The following SYNE2 variants were observed in gnomAD, a reference collection of about 807,000 sequenced individuals.
SYNE2 encodes spectrin repeat containing nuclear envelope protein 2.
A neutral mutation model predicts 856.3 loss-of-function variants in SYNE2; 431 were observed. The ratio of observed to expected loss-of-function variants is 0.50; its 90% CI spans 0.47 to 0.55. The LOEUF (loss-of-function observed/expected upper bound fraction) is 0.55. Among genes scored for constraint, SYNE2 ranks in the 20% least tolerant of loss-of-function variants. The probability of loss-of-function intolerance (pLI) is 0.00; values close to 1 mark genes in which losing one functional copy is unlikely to be tolerated. For missense variants in SYNE2, 8,129 were observed against 8,023.2 expected, an observed-to-expected ratio of 1.01 and a Z score of -0.50; for synonymous variants, 2,923 against 2,872.3, an observed-to-expected ratio of 1.02 and a Z score of -0.56.
At chr14:64,090,600 A>G (rs1017348243) in intron 59 of SYNE2, among the ~76,000 whole-genome samples, 1 of 152,234 alleles carries the variant, frequency 6.6e-6, no homozygotes, top group African/African-American at 2.4e-5. Context: ...CCAGTTCTAC[A>G]CAGAAAGTGG....
In SYNE2 at chr14:64,065,451, T is replaced by C. The variant is rs1452612335; in HGVS notation, c.10232T>C (p.Ile3411Thr). The C allele has an allele frequency of 2.5e-6, 4 of 1,614,064 alleles. No homozygotes were observed. The highest frequency in any genetic ancestry group is 2.7e-5 in the African/African-American group (2 of 74,936). Residue 3411 changes from isoleucine to threonine, a missense_variant, in exon 51 of 116, where the codon ATA becomes ACA. Physicochemically the swap from Ile to Thr is moderately conservative, Grantham distance 89. Coordinates refer to ENST00000555002, the MANE Select transcript of SYNE2 (RefSeq NM_182914.3). ...EQSKALVSNLISTKEELMKLR... is the reference protein window; with the variant it reads ...EQSKALVSNLTSTKEELMKLR... ...CTTAAGGCCTTGGTGTCAAATCTTA[T>C]ATCAACCAAAGAAGAGTTAATGAAA...
Position 63,909,267 on chromosome 14 carries a change from G to T in SYNE2, c.79+40G>T, listed in dbSNP as rs2275018. 963,561 of 1,403,222 alleles carry T rather than the reference G, an allele frequency of 0.69. 334,183 individuals carry two copies. The highest frequency in any genetic ancestry group is 0.77 in the South Asian group (66,906 of 86,416). The allele number at this position is 1,403,222 out of a possible 1,614,324, so 86.9% of individuals were successfully genotyped here. A position where few individuals can be genotyped will look rare whatever the true frequency, so the allele number is the denominator to read the frequency against. ...GTGGGGGTAACACCCACAGAAACTG[G>T]GGAAACCTTACTTTTATCTAGTTGC... is the stretch of plus-strand genomic sequence containing the variant. On this transcript the variant is annotated intron_variant, in intron 2 of 115. Coordinates refer to ENST00000555002, the MANE Select transcript of SYNE2 (RefSeq NM_182914.3).
chr14:63,992,452 A>T lies in SYNE2; in HGVS notation c.2646+1337A>T, dbSNP rs190615171. Among the ~76,000 whole-genome samples the T allele has an allele frequency of 4.2e-4, 64 of 151,738 alleles. No individual in the cohort carries two copies. In the East Asian group the frequency reaches 6.4e-3, roughly 15 times the overall value. Reference sequence around the variant, plus strand: ...CACTACGCCCAGCTAATTTAAAAAAATTTTTTTTATAGAGAAAGGGTCTCA... The same window carrying T: ...CACTACGCCCAGCTAATTTAAAAAATTTTTTTTTATAGAGAAAGGGTCTCA... On this transcript the variant is annotated intron_variant, in intron 21 of 115. Coordinates refer to ENST00000555002, the MANE Select transcript of SYNE2 (RefSeq NM_182914.3).
intron 1 of SYNE2, among the ~76,000 whole-genome samples, chr14:63,788,644 A>G (rs537586793): frequency 5.9e-5 from 9 of 152,260 alleles, no homozygotes; most frequent in African/African-American, 1.7e-4. Flanking sequence ...CTTAACTCAG[A>G]AGGAGGGGGG....
At chr14:64,103,537 G>A (rs1595541967) in intron 64 of SYNE2, among the ~76,000 whole-genome samples, 1 of 152,020 alleles carries the variant, frequency 6.6e-6, no homozygotes, top group East Asian at 1.9e-4. Context: ...CTGCATCCTC[G>A]TGATCCATAA....
At chr14:63,825,154 A>T (rs1889374622) in intron 1 of SYNE2, among the ~76,000 whole-genome samples, 1 of 152,180 alleles carries the variant, frequency 6.6e-6, no homozygotes, top group Non-Finnish European at 1.5e-5. Flanking sequence ...GACATTGATG[A>T]AGAAAATTAC....
At chr14:64,073,495 C>T (rs1438731531) in intron 52 of SYNE2, among the ~76,000 whole-genome samples, 1 of 152,198 alleles carries the variant, frequency 6.6e-6, no homozygotes, top group African/African-American at 2.4e-5. Context: ...ATCACAATAT[C>T]ATAGATACTT....
At chr14:63,893,988 G>T (rs1184547414) in intron 1 of SYNE2, among the ~76,000 whole-genome samples, 1 of 152,184 alleles carries the variant, frequency 6.6e-6, no homozygotes, top group Non-Finnish European at 1.5e-5. Flanking sequence ...AGAGATGAGT[G>T]ATCTGTTAGT....
chr14:63,993,915 G>A lies in SYNE2; in HGVS notation c.2727G>A (p.Glu909=). Residue 909 remains glutamate, a synonymous_variant, in exon 22 of 116, where the codon GAG becomes GAA. Transcript: ENST00000555002. The stretch of plus-strand genomic sequence containing the variant: ...AAGAACTAAAAAATAATGTAACTGA[G>A]GACATAAAGATGTCTTTAGAAGAAA... ...AVEELKNNVT[E]DIKMSLEEKS... The A allele has an allele frequency of 6.2e-7, 1 of 1,612,988 alleles. No homozygotes were observed. Among genetic ancestry groups the A allele is most frequent in the Non-Finnish European group, 8.5e-7 (1 of 1,179,206 alleles).
At chr14:64,038,918 G>A (rs916789858) in intron 45 of SYNE2, among the ~76,000 whole-genome samples, 3 of 152,118 alleles carry the variant, frequency 2.0e-5, no homozygotes, top group Admixed American at 6.5e-5. Flanking sequence ...GGGAGAGAGC[G>A]TGAGGAATTT....
intron 64 of SYNE2, among the ~76,000 whole-genome samples, chr14:64,105,795 C>T (rs2097767261): frequency 6.6e-6 from 1 of 152,100 alleles, no homozygotes; most frequent in Non-Finnish European, 1.5e-5. Flanking sequence ...GCAGTTGTCT[C>T]ATGCCTGTAA....
chr14:63,989,623 C>A (rs1168122801), intron 19 of SYNE2, among the ~76,000 whole-genome samples: 1 of 151,838 alleles, frequency 6.6e-6, no homozygotes, highest in Non-Finnish European at 1.5e-5. Context: ...CAGGCATGAG[C>A]CACCGGCAGT....
intron 95 of SYNE2, among the ~76,000 whole-genome samples, chr14:64,175,405 C>T (rs1289792601): frequency 6.6e-6 from 1 of 152,174 alleles, no homozygotes; most frequent in Non-Finnish European, 1.5e-5. Flanking sequence ...AAGTTCAATA[C>T]ATAAAACTAA....
chr14:64,081,689 C>T (rs576577057), intron 57 of SYNE2, 109 bp downstream of exon 57: 34 of 1,264,792 alleles, frequency 2.7e-5, no homozygotes, highest in African/African-American at 1.2e-4. Context: ...ACAACCTTAC[C>T]GCTAACCATG....
chr14:64,044,979 A>G (rs2097175396), intron 45 of SYNE2, among the ~76,000 whole-genome samples: 1 of 152,194 alleles, frequency 6.6e-6, no homozygotes, highest in Non-Finnish European at 1.5e-5. Flanking sequence ...TTTAAAATAA[A>G]ATGTTTAAAA....
chr14:64,082,615 T>C (rs2097532889), intron 57 of SYNE2, among the ~76,000 whole-genome samples: 1 of 152,124 alleles, frequency 6.6e-6, no homozygotes, highest in South Asian at 2.1e-4. Context: ...CTGAATGATC[T>C]TCAAAGAGAA....
intron 1 of SYNE2, among the ~76,000 whole-genome samples, chr14:63,771,887 ACT>A (rs1238814997): frequency 2.6e-5 from 4 of 152,204 alleles, no homozygotes; most frequent in African/African-American, 9.7e-5. Flanking sequence ...ATAGAGTGAG[ACT>A]CTGTCTCAAA....
At chr14:64,202,569 C>A (rs918991970) in intron 99 of SYNE2, among the ~76,000 whole-genome samples, 2 of 152,200 alleles carry the variant, frequency 1.3e-5, no homozygotes, top group Admixed American at 6.5e-5. Flanking sequence ...GATTAACTCT[C>A]AGTCCTTTTG....
chr14:63,839,990 C>T (rs1478454692), intron 1 of SYNE2, among the ~76,000 whole-genome samples: 11 of 152,276 alleles, frequency 7.2e-5, no homozygotes, highest in South Asian at 4.1e-4. Context: ...CTTTTGGGGC[C>T]GGGCACGGTG....
Sources: allele counts gnomAD v4.1 joint callset (sites outside exome capture counted in the v4.1 genomes callset), GRCh38; gene constraint gnomAD v4.1.1; transcripts MANE v1.5; gene names NCBI Gene and HGNC (gene_info 2026-07-23, HGNC 2026-07-21).